Variants in ATF6 observed in about 807,000 individuals in gnomAD.
The protein encoded by ATF6 is cyclic AMP-dependent transcription factor ATF-6 alpha.
In ATF6, 53 loss-of-function variants were observed where a neutral mutation model predicts 83.6. The ratio of observed to expected loss-of-function variants is 0.63; its 90% confidence interval spans 0.51 to 0.80. The LOEUF (loss-of-function observed/expected upper bound fraction) is 0.80. Among genes scored for constraint, ATF6 ranks in the 30% least tolerant of loss-of-function variants. The probability of loss-of-function intolerance (pLI) is 0.00; values close to 1 mark genes in which losing one functional copy is unlikely to be tolerated. For missense variants in ATF6, 744 were observed against 797.9 expected (o/e 0.93, Z 0.81); for synonymous variants, 288 against 285.8 (o/e 1.01, Z -0.08).
chr1:161,825,460 G>A (rs1214979478), intron 9 of ATF6, among the ~76,000 whole-genome samples: 1 of 152,188 alleles, frequency 6.6e-6, no homozygotes, highest in Non-Finnish European at 1.5e-5. Flanking sequence ...GTTGTGACCT[G>A]TAACTTCTGA....
At chr1:161,793,117 A>C (rs1684923194) in intron 6 of ATF6, among the ~76,000 whole-genome samples, 1 of 152,238 alleles carries the variant, frequency 6.6e-6, no homozygotes, top group South Asian at 2.1e-4. Flanking sequence ...CACCAATGTT[A>C]CATTTGTACT....
At chr1:161,773,150 T>G (rs546288108) in intron 1 of ATF6, among the ~76,000 whole-genome samples, 41 of 150,892 alleles carry the variant, frequency 2.7e-4, no homozygotes, top group Non-Finnish European at 5.2e-4. Flanking sequence ...ATTTTTTTTT[T>G]TTTGAGACGG....
intron 15 of ATF6, among the ~76,000 whole-genome samples, chr1:161,912,671 G>C (rs1179023426): frequency 6.6e-6 from 1 of 152,106 alleles, no homozygotes; most frequent in Non-Finnish European, 1.5e-5. Flanking sequence ...CATAAATGTA[G>C]TGTAAGAAGC....
chr1:161,796,325 C>T (rs565543027), intron 6 of ATF6, among the ~76,000 whole-genome samples: 1 of 152,158 alleles, frequency 6.6e-6, no homozygotes, highest in Non-Finnish European at 1.5e-5. Flanking sequence ...GTTCCCTGAA[C>T]AGTGTTTAAT....
At chr1:161,877,461 A>G (rs1357844518) in intron 14 of ATF6, among the ~76,000 whole-genome samples, 1 of 152,132 alleles carries the variant, frequency 6.6e-6, no homozygotes, top group Admixed American at 6.6e-5. Context: ...AAGGCAGTTA[A>G]GTAAGGCAGG....
intron 15 of ATF6, among the ~76,000 whole-genome samples, chr1:161,956,815 A>G (rs1688975665): frequency 6.6e-6 from 1 of 152,238 alleles, no homozygotes; most frequent in Non-Finnish European, 1.5e-5. Context: ...TTTAAAATAG[A>G]ATATATCATC....
At chr1:161,924,775 T>C (rs1688277915) in intron 15 of ATF6, among the ~76,000 whole-genome samples, 1 of 152,206 alleles carries the variant, frequency 6.6e-6, no homozygotes, top group Non-Finnish European at 1.5e-5. Context: ...AAATGTGATC[T>C]ACTTGGCATC....
intron 14 of ATF6, among the ~76,000 whole-genome samples, chr1:161,901,947 T>C (rs1687794925): frequency 6.6e-6 from 1 of 152,214 alleles, no homozygotes; most frequent in Admixed American, 6.5e-5. Flanking sequence ...ATCTTCTAAA[T>C]ATGAACATAT....
At chr1:161,784,230 T>A in intron 4 of ATF6, 134 bp downstream of exon 4, 1 of 647,004 alleles carries the variant, frequency 1.5e-6, no homozygotes, top group Non-Finnish European at 2.6e-6. Flanking sequence ...GAACTGAGAC[T>A]CAAGAAAGAG....
At chr1:161,814,325 G>C (rs547916862) in intron 7 of ATF6, among the ~76,000 whole-genome samples, 5 of 152,324 alleles carry the variant, frequency 3.3e-5, no homozygotes, top group African/African-American at 1.2e-4. Context: ...CCATGGTGTG[G>C]CTTTGCTGAG....
chr1:161,777,672 C>T (rs1289353310), intron 1 of ATF6, among the ~76,000 whole-genome samples: 2 of 152,174 alleles, frequency 1.3e-5, no homozygotes, highest in African/African-American at 2.4e-5. Context: ...TCTGTATCCA[C>T]ATATTTCTTG....
rs1274556617 is a variant in ATF6 at position 161,958,972 on chromosome 1, G to A, written c.*318G>A. 3 of 215,722 alleles carry A rather than the reference G, an allele frequency of 1.4e-5. No homozygotes were observed. Among genetic ancestry groups the A allele is most frequent in the Non-Finnish European group, 2.8e-5 (3 of 108,378 alleles). 13.4% of individuals were successfully genotyped at this position (215,722 alleles called of 1,614,324 possible). ...TCTCTTCCCTCTGTGATGGTTTTGT[G>A]TTTAAACAGTCATCTTCTTTTAAAT... is the stretch of plus-strand genomic sequence containing the variant. On this transcript the variant is annotated 3_prime_UTR_variant, in exon 16 of 16. Transcript: ENST00000367942.
chr1:161,910,781 C>G (rs1687976124), intron 14 of ATF6, among the ~76,000 whole-genome samples: 1 of 152,004 alleles, frequency 6.6e-6, no homozygotes, highest in Non-Finnish European at 1.5e-5. Flanking sequence ...ATAATGTTAT[C>G]TTAATCAGAA....
At chr1:161,907,429 A>G (rs982881203) in intron 14 of ATF6, among the ~76,000 whole-genome samples, 2 of 152,196 alleles carry the variant, frequency 1.3e-5, no homozygotes, top group African/African-American at 4.8e-5. Flanking sequence ...GATATGGGCC[A>G]AATATAAAAT....
In ATF6 at chr1:161,781,944, G is replaced by T. The variant is rs377686597; in HGVS notation, c.192G>T (p.Leu64Phe). The T allele has an allele frequency of 8.7e-6, 14 of 1,610,548 alleles. No homozygotes were observed. Among genetic ancestry groups the T allele is most frequent in the Admixed American group, 8.4e-5 (5 of 59,262 alleles). The change falls in exon 3 of 16, where the codon TTG (leucine) becomes TTT (phenylalanine). Residue 64 changes from leucine (L) to phenylalanine (F), a missense_variant. Coordinates refer to ENST00000367942, the MANE Select transcript of ATF6 (RefSeq NM_007348.4). ...ENNFDNLDFD[L>F]DLMPWESDIW... is the part of the protein sequence containing the mutation. Reference sequence around the variant, plus strand: ...ATTTTGATAATCTTGATTTTGATTTGGATTTGATGCCTTGGGAGTCAGACA... The same window carrying T: ...ATTTTGATAATCTTGATTTTGATTTTGATTTGATGCCTTGGGAGTCAGACA...
At chr1:161,774,213 CT>C (rs1571116899) in intron 1 of ATF6, among the ~76,000 whole-genome samples, 1 of 152,166 alleles carries the variant, frequency 6.6e-6, no homozygotes, top group East Asian at 1.9e-4. Context: ...TATTTCTCTT[CT>C]GCCGCTATGA....
intron 1 of ATF6, among the ~76,000 whole-genome samples, chr1:161,774,977 A>C (rs1684481081): frequency 6.6e-6 from 1 of 152,166 alleles, no homozygotes. Context: ...GTTCCTTGGA[A>C]AAATGACCAA....
chr1:161,833,265 C>T (rs1686118847), intron 9 of ATF6, among the ~76,000 whole-genome samples: 1 of 152,122 alleles, frequency 6.6e-6, no homozygotes, highest in Non-Finnish European at 1.5e-5. Context: ...ACGTCACCAT[C>T]ATCAAAGACC....
intron 9 of ATF6, among the ~76,000 whole-genome samples, chr1:161,830,711 G>A (rs1173028714): frequency 1.3e-5 from 2 of 152,202 alleles, no homozygotes. Flanking sequence ...GATTCCCTAA[G>A]TAATAAATGG....
Sources: allele counts gnomAD v4.1 joint callset (sites outside exome capture counted in the v4.1 genomes callset), GRCh38; gene constraint gnomAD v4.1.1; transcripts MANE v1.5; gene names NCBI Gene and HGNC (gene_info 2026-07-23, HGNC 2026-07-21).